The following CEP15 variants were observed in gnomAD, a reference collection of about 807,000 sequenced individuals.
CEP15 encodes the protein centrosomal protein 15 kDa.
the CEP15 span, among the ~76,000 whole-genome samples, chr3:62,332,014 A>AAAT: frequency 6.6e-6 from 1 of 152,148 alleles, no homozygotes; most frequent in Non-Finnish European, 1.5e-5. Context: ...AACTGGGGAT[A>AAAT]AATAGACTCA....
the CEP15 span, among the ~76,000 whole-genome samples, chr3:62,332,291 C>T: frequency 4.6e-5 from 7 of 152,100 alleles, no homozygotes; most frequent in African/African-American, 1.7e-4. Flanking sequence ...ATGACCTTTA[C>T]TTTATGTATG....
chr3:62,320,690 C>T, the CEP15 span, among the ~76,000 whole-genome samples: 2 of 152,110 alleles, frequency 1.3e-5, no homozygotes. Flanking sequence ...TATGAATAAG[C>T]AAGATTAAAA....
chr3:62,324,974 A>G, the CEP15 span, among the ~76,000 whole-genome samples: 1 of 152,244 alleles, frequency 6.6e-6, no homozygotes, highest in Non-Finnish European at 1.5e-5. Context: ...TTCTAAAAGT[A>G]GTATAATATG....
At chr3:62,322,197 T>C in the CEP15 span, 3 of 840,238 alleles carry the variant, frequency 3.6e-6, no homozygotes, top group Admixed American at 3.0e-5. The surrounding 1 kb of genome is among the most constrained non-coding windows in gnomAD (Gnocchi z 5.5). Context: ...TAAAAGCCCA[T>C]GTCAGTTAGA....
the CEP15 span, among the ~76,000 whole-genome samples, chr3:62,326,106 G>A: frequency 5.3e-5 from 8 of 152,020 alleles, no homozygotes; most frequent in Admixed American, 2.6e-4. Context: ...AACACTCCGG[G>A]GTGAGAAAGA....
At chr3:62,331,027 T>C in the CEP15 span, among the ~76,000 whole-genome samples, 1 of 152,124 alleles carries the variant, frequency 6.6e-6, no homozygotes, top group Admixed American at 6.6e-5. Flanking sequence ...CTGAGCAGTA[T>C]TATAAGACAC....
chr3:62,325,562 A>AT, the CEP15 span, among the ~76,000 whole-genome samples: 1 of 152,142 alleles, frequency 6.6e-6, no homozygotes, highest in African/African-American at 2.4e-5. Context: ...AGGGTGGGTG[A>AT]TTTTTCCCTG....
the CEP15 span, among the ~76,000 whole-genome samples, chr3:62,330,369 T>G: frequency 6.6e-6 from 1 of 152,086 alleles, no homozygotes; most frequent in Admixed American, 6.6e-5. Flanking sequence ...GAGACAAAAT[T>G]TATATGGCCT....
chr3:62,320,663 G>T, the CEP15 span: 2 of 595,042 alleles, frequency 3.4e-6, no homozygotes, highest in Non-Finnish European at 5.8e-6. Context: ...TTAGTGTTAG[G>T]GAATTTCATT....
At chr3:62,334,540 C>T in the CEP15 span, 1 of 152,104 alleles carries the variant, frequency 6.6e-6, no homozygotes, top group Admixed American at 6.6e-5. The surrounding 1 kb of genome is among the most constrained non-coding windows in gnomAD (Gnocchi z 4.9). Context: ...TAGCACACTT[C>T]TCTACAGTGT....
At chr3:62,324,895 T>C in the CEP15 span, among the ~76,000 whole-genome samples, 1 of 152,228 alleles carries the variant, frequency 6.6e-6, no homozygotes, top group Non-Finnish European at 1.5e-5. Flanking sequence ...AGCTTTCACT[T>C]TTGAAAAGGA....
chr3:62,321,287 A>C, the CEP15 span, among the ~76,000 whole-genome samples: 2 of 152,246 alleles, frequency 1.3e-5, no homozygotes, highest in African/African-American at 4.8e-5. This position sits in a 1 kb window ranked among gnomAD's most constrained non-coding sequence, Gnocchi z 4.1. Flanking sequence ...TATGTAACGA[A>C]GTAGTTTGAA....
the CEP15 span, among the ~76,000 whole-genome samples, chr3:62,320,043 G>A: frequency 1.3e-5 from 2 of 152,212 alleles, no homozygotes; most frequent in Non-Finnish European, 2.9e-5. Flanking sequence ...TTTCCAGTTG[G>A]TTCTCATACT....
At chr3:62,327,370 C>T in the CEP15 span, among the ~76,000 whole-genome samples, 15 of 152,292 alleles carry the variant, frequency 9.8e-5, no homozygotes, top group Admixed American at 4.6e-4. Context: ...ATCAAAAATT[C>T]GTAATTAAAT....
At chr3:62,331,878 G>A in the CEP15 span, among the ~76,000 whole-genome samples, 10 of 152,088 alleles carry the variant, frequency 6.6e-5, no homozygotes, top group Non-Finnish European at 1.5e-4. Flanking sequence ...TGGGAAGATG[G>A]TTAGCAAAAA....
chr3:62,321,800 G>T, the CEP15 span: 30 of 639,238 alleles, frequency 4.7e-5, no homozygotes, highest in South Asian at 7.1e-4. The surrounding 1 kb of genome is among the most constrained non-coding windows in gnomAD (Gnocchi z 4.1). Context: ...AGTCGACATA[G>T]TAATTGACTT....
At chr3:62,331,551 GTACTGTACTTTATACA>G in the CEP15 span, 2 of 620,464 alleles carry the variant, frequency 3.2e-6, no homozygotes, top group South Asian at 4.2e-5. Flanking sequence ...TATGTCCACA[GTACTGTACTTTATACA>G]TAGTAGGTAA....
chr3:62,333,676 T>TAA, the CEP15 span: 19 of 182,738 alleles, frequency 1.0e-4, no homozygotes, highest in Middle Eastern at 2.0e-3. The surrounding 1 kb of genome is among the most constrained non-coding windows in gnomAD (Gnocchi z 4.0). Context: ...TGTGTTGCTT[T>TAA]AAAAAAAAAA....
the CEP15 span, chr3:62,334,966 TAAG>T: frequency 6.6e-5 from 10 of 151,806 alleles, no homozygotes; most frequent in East Asian, 1.9e-3. This position sits in a 1 kb window ranked among gnomAD's most constrained non-coding sequence, Gnocchi z 4.9. Flanking sequence ...CATATGCACA[TAAG>T]AAGGTGAATG....
Sources: gnomAD v4.1 joint callset for allele counts (sites outside exome capture counted in the v4.1 genomes callset) on GRCh38, gnomAD v4.1.1 for gene constraint, Gnocchi (gnomAD v3.1) non-coding constraint, MANE v1.5 for transcripts, NCBI Gene and HGNC (gene_info 2026-07-23, HGNC 2026-07-21) for gene names.